The following USP34 variants were observed in gnomAD, a reference collection of about 807,000 sequenced individuals.
USP34 encodes ubiquitin specific peptidase 34, also known as ubiquitin carboxyl-terminal hydrolase 34.
A neutral mutation model predicts 460.3 loss-of-function variants in USP34; 70 were observed. The observed-to-expected ratio is 0.15, with a 90% CI of 0.13 to 0.19. The LOEUF (loss-of-function observed/expected upper bound fraction) is 0.19, where lower values mean the gene tolerates loss of function less well. USP34 is among the 10% of genes least tolerant of loss of function. The probability of loss-of-function intolerance (pLI) is 1.00; values close to 1 mark genes in which losing one functional copy is unlikely to be tolerated. For missense variants in USP34, 3,985 were observed against 4,236.2 expected (o/e 0.94, Z 1.65); for synonymous variants, 1,647 against 1,405.3 (o/e 1.17, Z -3.85).
chr2:61,240,529 C>T (rs955176556), intron 53 of USP34, among the ~76,000 whole-genome samples: 1 of 152,022 alleles, frequency 6.6e-6, no homozygotes, highest in Non-Finnish European at 1.5e-5. Context: ...CCGCCCGCCT[C>T]GGCCTCCCAA....
chr2:61,377,226 C>G (rs1692824740), intron 8 of USP34, among the ~76,000 whole-genome samples: 1 of 152,084 alleles, frequency 6.6e-6, no homozygotes, highest in Non-Finnish European at 1.5e-5. Context: ...TTCATGAAGA[C>G]CTAGGTTCAA....
intron 76 of USP34, chr2:61,191,425 A>AT (rs1436248694): frequency 4.6e-5 from 7 of 152,024 alleles, no homozygotes; most frequent in Admixed American, 2.0e-4. Flanking sequence ...TGTATATCTT[A>AT]TTAAAGTATG....
chr2:61,216,783 T>C (rs1435315311), intron 67 of USP34, among the ~76,000 whole-genome samples: 1 of 152,052 alleles, frequency 6.6e-6, no homozygotes, highest in Non-Finnish European at 1.5e-5. Flanking sequence ...CTGGGTGTGG[T>C]GGCGGGTGCC....
intron 1 of USP34, among the ~76,000 whole-genome samples, chr2:61,461,757 A>G (rs936147608): frequency 6.6e-6 from 1 of 152,220 alleles, no homozygotes; most frequent in Admixed American, 6.5e-5. Flanking sequence ...TCTGGCAAGC[A>G]AACAGTATGA....
chr2:61,433,215 C>A (rs949899213), intron 1 of USP34, among the ~76,000 whole-genome samples: 1 of 152,156 alleles, frequency 6.6e-6, no homozygotes, highest in African/African-American at 2.4e-5. Flanking sequence ...CTCTGCAGCC[C>A]CATCTCCCCT....
intron 67 of USP34, 49 bp from the exon 68 acceptor site, chr2:61,214,743 G>C: frequency 6.3e-7 from 1 of 1,586,936 alleles, no homozygotes. Context: ...ATATAAAATA[G>C]ACTGAACAGC....
chr2:61,430,274 C>A (rs1165215933), intron 1 of USP34, among the ~76,000 whole-genome samples: 2 of 150,738 alleles, frequency 1.3e-5, no homozygotes, highest in African/African-American at 4.9e-5. Context: ...CGTGCTGGCA[C>A]ATGCCCATAA....
chr2:61,266,236 T>C (rs1689040688), intron 41 of USP34, 69 bp from the exon 42 acceptor site: 7 of 1,406,594 alleles, frequency 5.0e-6, no homozygotes, highest in Non-Finnish European at 6.8e-6. Flanking sequence ...AGTTAACATA[T>C]ACACAGGATG....
At chr2:61,293,031 A>G (rs532676095) in intron 33 of USP34, among the ~76,000 whole-genome samples, 1 of 152,240 alleles carries the variant, frequency 6.6e-6, no homozygotes, top group Non-Finnish European at 1.5e-5. Flanking sequence ...TTCTATATCC[A>G]TCTCAATGTA....
intron 10 of USP34, 23 bp from the exon 11 acceptor site, chr2:61,350,716 A>C (rs373459922): frequency 1.9e-6 from 3 of 1,600,350 alleles, no homozygotes. Flanking sequence ...GTTAGAGAGA[A>C]TGGTCAAAAA....
At chr2:61,215,656 C>A (rs1336512239) in intron 67 of USP34, among the ~76,000 whole-genome samples, 1 of 152,094 alleles carries the variant, frequency 6.6e-6, no homozygotes. Context: ...AAGCAAAGAC[C>A]AAGGTCACAC....
At chr2:61,361,234 G>C (rs945451054) in intron 10 of USP34, among the ~76,000 whole-genome samples, 9 of 152,144 alleles carry the variant, frequency 5.9e-5, no homozygotes, top group African/African-American at 2.2e-4. Flanking sequence ...AATACAGCAA[G>C]ACCCAGTCTC....
chr2:61,456,950 C>T (rs1272804979), intron 1 of USP34, among the ~76,000 whole-genome samples: 2 of 152,076 alleles, frequency 1.3e-5, no homozygotes, highest in African/African-American at 4.8e-5. Flanking sequence ...CACTGTACTC[C>T]AGCCTGGGCA....
At position 61,388,633 on chromosome 2, in the gene USP34, G is replaced by A. The variant is rs1358661519; in HGVS notation, c.754-5297C>T. Among the ~76,000 whole-genome samples the A allele has an allele frequency of 5.9e-5, 9 of 152,112 alleles. No homozygotes were observed. In the East Asian group the frequency reaches 1.5e-3, roughly 26 times the overall value. On this transcript the variant is annotated intron_variant, in intron 5 of 79. Transcript: ENST00000398571. ...TAGCCAGGCATGGTGGTGGGCGCCTGTAGCCCCAGCTACTCAGGAGGCTGA... is the reference window on the plus strand; with the variant it reads ...TAGCCAGGCATGGTGGTGGGCGCCTATAGCCCCAGCTACTCAGGAGGCTGA...
At chr2:61,192,547 TAG>T (rs1177778123) in intron 76 of USP34, among the ~76,000 whole-genome samples, 2 of 151,932 alleles carry the variant, frequency 1.3e-5, no homozygotes, top group African/African-American at 2.4e-5. Flanking sequence ...GGAAAAGAGG[TAG>T]AGACAGGGAG....
rs151258075 is a variant in USP34 at position 61,406,623 on chromosome 2, T to A, written c.132-495A>T. Among the ~76,000 whole-genome samples, 355 of 151,394 alleles carry A rather than the reference T, an allele frequency of 2.3e-3. 2 individuals carry two copies. Among genetic ancestry groups the A allele is most frequent in the African/African-American group, 8.4e-3 (347 of 41,206 alleles). On this transcript the variant is annotated intron_variant, in intron 2 of 79. Transcript: ENST00000398571. ...CGCTATCTGGCAAATCAAAAGTGTT[T>A]AGGAACAACACACACACACTCTCTC...
rs1691917583 is a variant in USP34 at position 61,350,652 on chromosome 2, T to C, written c.1293A>G (p.Ser431=). The C allele has an allele frequency of 6.2e-7, 1 of 1,613,370 alleles. No individual in the cohort carries two copies. Among genetic ancestry groups the C allele is most frequent in the Admixed American group, 1.7e-5 (1 of 59,906 alleles). ...CSRYIHDLFP[S]LIKNLDPVPL... is the part of the protein sequence containing the mutation. ...GTACGGGATCCAAATTCTTGATGAG[T>C]GAAGGAAATAAGTCATGTATATACC... is the stretch of plus-strand genomic sequence containing the variant. The change falls in exon 11 of 80, where the codon TCA becomes TCG. Residue 431 remains serine, a synonymous_variant. Transcript: ENST00000398571.
At chr2:61,213,619 G>T (rs1572840532) in intron 68 of USP34, among the ~76,000 whole-genome samples, 1 of 152,172 alleles carries the variant, frequency 6.6e-6, no homozygotes, top group African/African-American at 2.4e-5. Context: ...TTTGGATGCA[G>T]CTTGAGAAAA....
chr2:61,398,712 T>C (rs1404171179), intron 3 of USP34, among the ~76,000 whole-genome samples: 3 of 152,320 alleles, frequency 2.0e-5, no homozygotes, highest in East Asian at 1.9e-4. Flanking sequence ...CCATTCATCA[T>C]TGCCATCACC....
Sources: gnomAD v4.1 joint callset for allele counts (sites outside exome capture counted in the v4.1 genomes callset) on GRCh38, gnomAD v4.1.1 for gene constraint, MANE v1.5 for transcripts, NCBI Gene and HGNC (gene_info 2026-07-23, HGNC 2026-07-21) for gene names.